Variants in MROH1 observed in about 807,000 individuals in gnomAD.
MROH1 encodes maestro heat-like repeat-containing protein family member 1.
A neutral mutation model predicts 116.5 loss-of-function variants in MROH1; 117 were observed. The ratio of observed to expected loss-of-function variants is 1.00; its 90% CI spans 0.86 to 1.17. The LOEUF (loss-of-function observed/expected upper bound fraction) is 1.17. MROH1 is among the 50% of genes most tolerant of loss of function. The probability of loss-of-function intolerance (pLI) is 0.00; values close to 1 mark genes in which losing one functional copy is unlikely to be tolerated. For missense variants in MROH1, 1,873 were observed against 1,338.5 expected, an observed-to-expected ratio of 1.40 and a Z score of -6.23; for synonymous variants, 921 against 583.9, an observed-to-expected ratio of 1.58 and a Z score of -8.32.
intron 4 of MROH1, among the ~76,000 whole-genome samples, chr8:144,171,404 C>T (rs1460587522): frequency 1.3e-5 from 2 of 152,176 alleles, no homozygotes; most frequent in Admixed American, 6.5e-5. Flanking sequence ...GCGGAGCTCC[C>T]GGGCCCTCCT....
At chr8:144,229,622 C>T (rs1838458246) in intron 14 of MROH1, among the ~76,000 whole-genome samples, 2 of 152,124 alleles carry the variant, frequency 1.3e-5, no homozygotes, top group Admixed American at 1.3e-4. Flanking sequence ...AACTCCTGAG[C>T]TCAAGCGATC....
At chr8:144,212,642 T>G (rs1175934550) in intron 12 of MROH1, among the ~76,000 whole-genome samples, 1 of 130,600 alleles carries the variant, frequency 7.7e-6, no homozygotes, top group Non-Finnish European at 1.5e-5. Context: ...CAGGCTGGAG[T>G]GCAGTGGTGG....
In MROH1 at chr8:144,255,565, C is replaced by A; in HGVS notation, c.3651C>A (p.Leu1217=). The change falls in exon 35 of 44, where the codon CTC becomes CTA. Residue 1217 remains leucine (L), a synonymous_variant. Coordinates refer to ENST00000326134, the MANE Select transcript of MROH1 (RefSeq NM_032450.3). Reference sequence around the variant, plus strand: ...CGCCTGCAGCGGGGCCCGCGGTGCTCGAGCTCTACCCCCAGCTGTTTGTGG... The same window carrying A: ...CGCCTGCAGCGGGGCCCGCGGTGCTAGAGCTCTACCCCCAGCTGTTTGTGG... The part of the protein sequence containing the change: ...MSTPAAGPAV[L]ELYPQLFVVL... 2 of 779,396 alleles carry A rather than the reference C, an allele frequency of 2.6e-6. No individual in the cohort carries two copies. Among genetic ancestry groups the A allele is most frequent in the Non-Finnish European group, 4.8e-6 (2 of 417,796 alleles). The allele number at this position is 779,396 out of a possible 1,614,324, so 48.3% of individuals were successfully genotyped here. A position where few individuals can be genotyped will look rare whatever the true frequency, so the allele number is the denominator to read the frequency against.
chr8:144,177,999 C>A (rs1007857165), intron 4 of MROH1, among the ~76,000 whole-genome samples: 1 of 148,398 alleles, frequency 6.7e-6, no homozygotes, highest in African/African-American at 2.5e-5. Flanking sequence ...CAGTCTTGCT[C>A]TGTCGCCCAG....
At chr8:144,176,808 G>A (rs192660687) in intron 4 of MROH1, among the ~76,000 whole-genome samples, 21 of 145,490 alleles carry the variant, frequency 1.4e-4, no homozygotes, top group Admixed American at 2.9e-4. Context: ...CAGCCTGCGC[G>A]ACGAGTGAGA....
intron 3 of MROH1, among the ~76,000 whole-genome samples, chr8:144,166,639 C>T (rs544113299): frequency 1.3e-4 from 20 of 152,108 alleles, no homozygotes; most frequent in South Asian, 4.2e-4. Context: ...CCGAGAGGCC[C>T]GGAATGGCAC....
intron 39 of MROH1, 117 bp from the exon 40 acceptor site, chr8:144,260,560 G>A (rs1009066346): frequency 4.3e-5 from 33 of 759,884 alleles, no homozygotes; most frequent in Middle Eastern, 3.5e-4. Context: ...GCCCCCACCC[G>A]TCGGGGTGTT....
chr8:144,259,869 G>C (rs958900579), intron 37 of MROH1, 42 bp from the exon 38 acceptor site: 47 of 719,720 alleles, frequency 6.5e-5, no homozygotes, highest in Middle Eastern at 2.9e-4. Flanking sequence ...TTGAGCCCTG[G>C]GGTCAGCGGG....
At chr8:144,261,487 ACTT>A (rs1845055641) in intron 43 of MROH1, 138 bp downstream of exon 43, 4 of 690,044 alleles carry the variant, frequency 5.8e-6, no homozygotes, top group Admixed American at 2.1e-5. Context: ...ATTCACGGAA[ACTT>A]CTTAACTGTT....
chr8:144,191,813 C>T lies in MROH1; in HGVS notation c.813C>T (p.Leu271=), dbSNP rs375964620. The T allele has an allele frequency of 6.3e-5, 101 of 1,613,374 alleles. No individual in the cohort carries two copies. The highest frequency in any genetic ancestry group is 1.6e-4 in the Middle Eastern group (1 of 6,084). Residue 271 remains leucine (L), a synonymous_variant, in exon 9 of 44, where the codon CTC becomes CTT. Transcript: ENST00000326134. The part of the protein sequence containing the change: ...EQLPKLLPGI[L]ALYKKHAETF... ...TGCCCAAGCTCCTCCCTGGGATTCT[C>T]GCCCTCTACAAGAAGCACGCAGAGA...
intron 34 of MROH1, among the ~76,000 whole-genome samples, chr8:144,255,304 A>ACTG (rs1843524910): frequency 6.6e-6 from 1 of 152,180 alleles, no homozygotes; most frequent in South Asian, 2.1e-4. Flanking sequence ...GTGAAGGCTG[A>ACTG]CTGCCCCTCT....
intron 7 of MROH1, among the ~76,000 whole-genome samples, chr8:144,187,624 C>T (rs954408725): frequency 5.9e-5 from 9 of 152,226 alleles, no homozygotes; most frequent in Non-Finnish European, 1.2e-4. Flanking sequence ...CTCAGAGGTG[C>T]CAGCTCCTCT....
chr8:144,156,241 GAAAAAAAAAAA>G (rs1218482716), intron 1 of MROH1, among the ~76,000 whole-genome samples: 9 of 58,504 alleles, frequency 1.5e-4, no homozygotes, highest in South Asian at 8.0e-4. Flanking sequence ...CCGTCTCAAA[GAAAAAAAAAAA>G]AAAAAAAAAA....
In MROH1 at chr8:144,160,753, A is replaced by G. The variant is rs533062185; in HGVS notation, c.-176-217A>G. On this transcript the variant is annotated intron_variant, in intron 1 of 43. Transcript: ENST00000326134. ...CCAGGCACCAGACAAATTTATTACCATAAAGTTCTTGGAGTCAGAAGTCTA... is the reference window on the plus strand; with the variant it reads ...CCAGGCACCAGACAAATTTATTACCGTAAAGTTCTTGGAGTCAGAAGTCTA... 7.7e-4 allele frequency among the ~76,000 whole-genome samples: 105 copies of G among 136,810 alleles called. 1 individual carries two copies. Among genetic ancestry groups the G allele is most frequent in the Non-Finnish European group, 1.2e-3 (83 of 67,166 alleles). 89.8% of individuals were successfully genotyped at this position (136,810 alleles called of 152,430 possible). A position where few individuals can be genotyped will look rare whatever the true frequency, so the allele number is the denominator to read the frequency against.
intron 10 of MROH1, 129 bp downstream of exon 10, chr8:144,192,530 C>A (rs925129861): frequency 5.2e-6 from 4 of 775,542 alleles, no homozygotes; most frequent in Non-Finnish European, 8.9e-6. Flanking sequence ...ACTGGGCATT[C>A]CCTGAAGGTC....
At chr8:144,236,059 T>TTC (rs1356579841) in intron 14 of MROH1, among the ~76,000 whole-genome samples, 2 of 152,232 alleles carry the variant, frequency 1.3e-5, no homozygotes, top group Non-Finnish European at 2.9e-5. Context: ...TTTAGCTGCT[T>TTC]TCTGGTATAG....
At chr8:144,238,410 C>T (rs965170998) in intron 14 of MROH1, among the ~76,000 whole-genome samples, 3 of 152,116 alleles carry the variant, frequency 2.0e-5, no homozygotes, top group Non-Finnish European at 4.4e-5. Flanking sequence ...GGCTGGGTGG[C>T]GTCCTGGTGG....
At chr8:144,241,206 C>G (rs1840914885) in intron 21 of MROH1, 95 bp downstream of exon 21, 2 of 705,234 alleles carry the variant, frequency 2.8e-6, no homozygotes, top group Non-Finnish European at 5.3e-6. Context: ...GCCTGTGTGC[C>G]TGTGTGTGCG....
At chr8:144,183,607 T>A (rs1826214712) in intron 7 of MROH1, among the ~76,000 whole-genome samples, 1 of 151,750 alleles carries the variant, frequency 6.6e-6, no homozygotes, top group South Asian at 2.1e-4. Flanking sequence ...CCTGCCTGCC[T>A]TGATTTCACA....
Sources: allele counts gnomAD v4.1 joint callset (sites outside exome capture counted in the v4.1 genomes callset), GRCh38; gene constraint gnomAD v4.1.1; transcripts MANE v1.5; gene names NCBI Gene and HGNC (gene_info 2026-07-23, HGNC 2026-07-21).